The following DOCK8 variants were observed in gnomAD, a reference collection of about 807,000 sequenced individuals.
The protein encoded by DOCK8 is dedicator of cytokinesis protein 8.
A neutral mutation model predicts 245.6 loss-of-function variants in DOCK8; 141 were observed. The ratio of observed to expected loss-of-function variants is 0.57; its 90% CI spans 0.50 to 0.66. DOCK8 has a LOEUF of 0.66. Among genes scored for constraint, DOCK8 ranks in the 30% least tolerant of loss-of-function variants. The pLI, the probability that DOCK8 is intolerant of heterozygous loss-of-function variation, is 0.00. For missense variants in DOCK8, 2,965 were observed against 2,603.4 expected (o/e 1.14, Z -3.02); for synonymous variants, 1,168 against 970.2 (o/e 1.20, Z -3.79).
At chr9:424,295 T>A (rs975506023) in intron 33 of DOCK8, among the ~76,000 whole-genome samples, 1 of 152,034 alleles carries the variant, frequency 6.6e-6, no homozygotes, top group Non-Finnish European at 1.5e-5. Context: ...ACTACTTCAA[T>A]TGGAAACTCC....
At chr9:320,078 G>A (rs2130775104) in intron 7 of DOCK8, among the ~76,000 whole-genome samples, 1 of 152,372 alleles carries the variant, frequency 6.6e-6, no homozygotes, top group South Asian at 2.1e-4. Context: ...AGATTCTGGG[G>A]ACTACACTTA....
At chr9:300,393 C>G (rs543970058) in intron 4 of DOCK8, among the ~76,000 whole-genome samples, 1 of 152,072 alleles carries the variant, frequency 6.6e-6, no homozygotes, top group African/African-American at 2.4e-5. Flanking sequence ...GGTGGTTTTT[C>G]TATAGTTCAG....
At chr9:462,411 T>A (rs2057834026) in intron 46 of DOCK8, among the ~76,000 whole-genome samples, 2 of 152,206 alleles carry the variant, frequency 1.3e-5, no homozygotes, top group Admixed American at 1.3e-4. Context: ...TGATAGCAAG[T>A]TTTCATTCTG....
Position 430,644 on chromosome 9 carries a change from T to A in DOCK8, c.4626+790T>A, listed in dbSNP as rs116822496. ...TTGTAGTGAGCCAAGATTGTGCCAC[T>A]GTATTCCAGCCTGAGACCCTGTCTC... On this transcript the variant is annotated intron_variant, in intron 36 of 47. Transcript: ENST00000432829. 9.7e-3 allele frequency among the ~76,000 whole-genome samples: 1,406 copies of A among 145,674 alleles called. 20 individuals carry two copies. The highest frequency in any genetic ancestry group is 0.035 in the African/African-American group (1,305 of 36,900).
Position 317,078 on chromosome 9 carries a change from T to A in DOCK8, c.777T>A (p.Cys259Ter), listed in dbSNP as rs531488965. The change falls in exon 7 of 48, where the codon TGT (cysteine) becomes TGA (stop). Residue 259 changes from cysteine to a stop codon, truncating the protein, a stop_gained. Coordinates refer to ENST00000432829, the MANE Select transcript of DOCK8 (RefSeq NM_203447.4). LOFTEE classifies it high-confidence loss of function. ...DAVEIRPVPE[C>*]PKEHLGNRIL... ...TGGAAATACGTCCAGTACCAGAATG[T>A]CCCAAGGAACACCTGGGCAACAGAA... The A allele has an allele frequency of 6.2e-7, 1 of 1,613,952 alleles. No homozygotes were observed. Among genetic ancestry groups the A allele is most frequent in the East Asian group, 2.2e-5 (1 of 44,886 alleles).
intron 1 of DOCK8, among the ~76,000 whole-genome samples, chr9:241,965 G>C (rs752054136): frequency 6.6e-6 from 1 of 152,110 alleles, no homozygotes; most frequent in Admixed American, 6.5e-5. Flanking sequence ...GGCAAAATTA[G>C]GTATCAACTG....
chr9:400,046 CCACCATCACCACCTCCTTCACCAT>C (rs879563143), intron 26 of DOCK8, among the ~76,000 whole-genome samples: 5,431 of 125,056 alleles, frequency 0.043, 83 homozygotes, highest in African/African-American at 0.063. Flanking sequence ...ACCACCACCT[CCACCATCACCACCTCCTTCACCAT>C]CACCATCACC....
intron 1 of DOCK8, among the ~76,000 whole-genome samples, chr9:238,155 T>A (rs765464522): frequency 2.2e-4 from 33 of 152,222 alleles, no homozygotes; most frequent in Non-Finnish European, 4.4e-4. Context: ...GTTTTAATAA[T>A]AACAATGCAC....
chr9:334,434 G>C (rs2051210293), intron 11 of DOCK8, 50 bp downstream of exon 11: 25 of 1,590,846 alleles, frequency 1.6e-5, no homozygotes, highest in Non-Finnish European at 2.1e-5. Context: ...AGTGTGCGCT[G>C]CCCAGGTCCA....
In DOCK8 at chr9:440,332, A is replaced by G. The variant is rs538006556; in HGVS notation, c.5223+944A>G. The stretch of plus-strand genomic sequence containing the variant: ...ACCACGCCCAACTTGTTTTCATTTT[A>G]ATAATCTCCCTCCTCCTTTACATTT... On this transcript the variant is annotated intron_variant, in intron 40 of 47. Coordinates refer to ENST00000432829, the MANE Select transcript of DOCK8 (RefSeq NM_203447.4). 1.9e-4 allele frequency among the ~76,000 whole-genome samples: 29 copies of G among 152,224 alleles called. 1 individual carries two copies. In the South Asian group the frequency reaches 6.0e-3, roughly 32 times the overall value.
intron 9 of DOCK8, among the ~76,000 whole-genome samples, chr9:329,453 CT>C (rs2050909073): frequency 6.6e-6 from 1 of 152,132 alleles, no homozygotes. Context: ...TTCACTCTAG[CT>C]TCTTTAACAC....
intron 4 of DOCK8, among the ~76,000 whole-genome samples, chr9:291,999 G>C (rs373512808): frequency 7.0e-6 from 1 of 142,696 alleles, no homozygotes; most frequent in East Asian, 2.1e-4. Context: ...GAGCCCAGGA[G>C]GTCAAGGCTG....
chr9:312,694 T>G (rs1586674013), intron 6 of DOCK8: 1 of 342,848 alleles, frequency 2.9e-6, no homozygotes, highest in East Asian at 7.9e-5. Flanking sequence ...TGTTTACTTC[T>G]TCATTTATTG....
chr9:339,249 A>C (rs749136922), intron 13 of DOCK8, 150 bp downstream of exon 13: 1 of 740,088 alleles, frequency 1.4e-6, no homozygotes, highest in South Asian at 1.6e-5. Flanking sequence ...GAATTGTTCT[A>C]TGTCTTTGGC....
chr9:314,724 A>G (rs1446286832), intron 6 of DOCK8, among the ~76,000 whole-genome samples: 3 of 152,216 alleles, frequency 2.0e-5, no homozygotes, highest in Non-Finnish European at 4.4e-5. Context: ...GCTTTCTCCA[A>G]AGAAAGTTCT....
chr9:312,272 G>C, intron 6 of DOCK8, 106 bp downstream of exon 6: 2 of 1,355,420 alleles, frequency 1.5e-6, no homozygotes, highest in South Asian at 2.5e-5. Flanking sequence ...TGGTGTCAGG[G>C]CTCACTTGTA....
chr9:328,941 C>CTTTTTTTTTTTTTTTTTTTTTTTTTTTTT (rs1165346763), intron 9 of DOCK8, among the ~76,000 whole-genome samples: 2 of 71,348 alleles, frequency 2.8e-5, no homozygotes, highest in African/African-American at 1.1e-4. Context: ...CTTATTGATT[C>CTTTTTTTTTTTTTTTTTTTTTTTTTTTTT]TTTTTTTTTT....
chr9:232,842 A>G lies in DOCK8; in HGVS notation c.53+17813A>G, dbSNP rs184973710. 4.0e-3 allele frequency among the ~76,000 whole-genome samples: 609 copies of G among 152,244 alleles called. 7 individuals are homozygous for G. Among genetic ancestry groups the G allele is most frequent in the African/African-American group, 0.014 (586 of 41,534 alleles). On this transcript the variant is annotated intron_variant, in intron 1 of 47. Transcript: ENST00000432829. The stretch of plus-strand genomic sequence containing the variant: ...ATCAATTTTGTTGATCTTTTCAAAA[A>G]ACCAGCTCCTGGATTCATTAATTTT...
At chr9:248,914 T>C (rs1419647707) in intron 1 of DOCK8, among the ~76,000 whole-genome samples, 3 of 152,202 alleles carry the variant, frequency 2.0e-5, no homozygotes, top group African/African-American at 7.2e-5. Flanking sequence ...TGGCCTGTTA[T>C]TGTTACTTCA....
Sources: gnomAD v4.1 joint callset for allele counts (sites outside exome capture counted in the v4.1 genomes callset) on GRCh38, gnomAD v4.1.1 for gene constraint, MANE v1.5 for transcripts, NCBI Gene and HGNC (gene_info 2026-07-23, HGNC 2026-07-21) for gene names.